Variants in FBXL7 observed in about 807,000 individuals in gnomAD.
The protein encoded by FBXL7 is F-box/LRR-repeat protein 7.
In FBXL7, 12 loss-of-function variants were observed where a neutral mutation model predicts 38.3. That is an observed-to-expected ratio of 0.31 (90% confidence interval 0.20 to 0.51). The LOEUF is 0.51. Ranked by LOEUF, FBXL7 falls within the 20% of genes least tolerant of loss-of-function variation. FBXL7 has a pLI of 0.98. For synonymous variants in FBXL7, 297 were observed against 300.9 expected (o/e 0.99, Z 0.13); for missense variants, 567 against 676.4 (o/e 0.84, Z 1.79).
chr5:15,619,422 C>T lies in FBXL7; in HGVS notation c.127+3350C>T, dbSNP rs1580411809. ...GGGAAGCCGTCTCCTGCCCTGCTCA[C>T]GCCTACCTAACTACCTGTAACAAGA... On this transcript the variant is annotated intron_variant, in intron 2 of 3. Coordinates refer to ENST00000504595, the MANE Select transcript of FBXL7 (RefSeq NM_012304.5). Among the ~76,000 whole-genome samples the T allele has an allele frequency of 3.3e-5, 5 of 152,294 alleles. No homozygotes were observed. In the South Asian group the frequency reaches 8.3e-4, roughly 25 times the overall value.
At chr5:15,782,120 G>T (rs1483362173) in intron 2 of FBXL7, among the ~76,000 whole-genome samples, 1 of 152,016 alleles carries the variant, frequency 6.6e-6, no homozygotes. Flanking sequence ...CTGAGAATGA[G>T]GGTTTCCAGC....
At chr5:15,837,563 T>C (rs543857992) in intron 2 of FBXL7, among the ~76,000 whole-genome samples, 45 of 152,236 alleles carry the variant, frequency 3.0e-4, no homozygotes, top group Non-Finnish European at 2.5e-4. Context: ...AAAAGCGTGC[T>C]TAGATTGAAT....
intron 2 of FBXL7, among the ~76,000 whole-genome samples, chr5:15,672,818 G>A (rs1401615965): frequency 6.6e-6 from 1 of 151,980 alleles, no homozygotes; most frequent in African/African-American, 2.4e-5. Flanking sequence ...GCCTCCCAAA[G>A]TGCTGGGATT....
At chr5:15,684,372 T>C (rs1301165267) in intron 2 of FBXL7, among the ~76,000 whole-genome samples, 1 of 152,114 alleles carries the variant, frequency 6.6e-6, no homozygotes, top group Non-Finnish European at 1.5e-5. Context: ...GGGGGACACA[T>C]AGATTTGGAT....
chr5:15,545,402 C>T (rs144256345), intron 1 of FBXL7, among the ~76,000 whole-genome samples: 4 of 152,288 alleles, frequency 2.6e-5, no homozygotes, highest in African/African-American at 9.6e-5. Context: ...AGACTGAATG[C>T]ACCATGAGCT....
rs1561098448 is a variant in FBXL7 at position 15,718,805 on chromosome 5, C to CGGAGAATG, written c.127+102734_127+102741dup. ...TTCCAGGGGACAGAATTTGTGTTCA[C>CGGAGAATG]GGAGAATGAATTTCAACTAAGAGGT... is the stretch of plus-strand genomic sequence containing the variant. On this transcript the variant is annotated intron_variant, in intron 2 of 3. Coordinates refer to ENST00000504595, the MANE Select transcript of FBXL7 (RefSeq NM_012304.5). Among the ~76,000 whole-genome samples, 6 of 152,156 alleles carry CGGAGAATG rather than the reference C, an allele frequency of 3.9e-5. No individual in the cohort carries two copies. The South Asian group carries it at 1.0e-3, about 26-fold the overall frequency.
intron 2 of FBXL7, among the ~76,000 whole-genome samples, chr5:15,895,206 T>C (rs903200787): frequency 1.3e-5 from 2 of 152,162 alleles, no homozygotes; most frequent in Admixed American, 1.3e-4. Flanking sequence ...AAGATATATA[T>C]CAAAAAGTTA....
chr5:15,550,673 T>C (rs1229391136), intron 1 of FBXL7, among the ~76,000 whole-genome samples: 2 of 152,238 alleles, frequency 1.3e-5, no homozygotes, highest in Non-Finnish European at 2.9e-5. Flanking sequence ...GCTTTAAACC[T>C]TTGTATTTCT....
At chr5:15,565,112 C>T (rs1271452448) in intron 1 of FBXL7, among the ~76,000 whole-genome samples, 1 of 151,936 alleles carries the variant, frequency 6.6e-6, no homozygotes, top group African/African-American at 2.4e-5. Flanking sequence ...TGATCATTCC[C>T]ACTAAAATGA....
chr5:15,847,435 T>C (rs147657585), intron 2 of FBXL7, among the ~76,000 whole-genome samples: 43 of 152,268 alleles, frequency 2.8e-4, no homozygotes, highest in African/African-American at 9.9e-4. Flanking sequence ...TACCTTTCAC[T>C]GGGTCCCTCC....
At chr5:15,660,546 C>T (rs781651489) in intron 2 of FBXL7, among the ~76,000 whole-genome samples, 18 of 151,588 alleles carry the variant, frequency 1.2e-4, no homozygotes, top group Non-Finnish European at 2.4e-4. Context: ...TTGGTAGAGA[C>T]GGGGTTTCAC....
intron 1 of FBXL7, among the ~76,000 whole-genome samples, chr5:15,577,594 TTGTGTGTGTGTGTGTG>T (rs34405217): frequency 9.1e-4 from 134 of 147,682 alleles, no homozygotes; most frequent in South Asian, 2.0e-3. Context: ...GTAATGCATT[TTGTGTGTGTGTGTGTG>T]TGTGTGTGTG....
At chr5:15,817,660 C>CTGA (rs1738054544) in intron 2 of FBXL7, among the ~76,000 whole-genome samples, 1 of 152,216 alleles carries the variant, frequency 6.6e-6, no homozygotes, top group Admixed American at 6.5e-5. Context: ...CTCATGAGAT[C>CTGA]TGATGGTTCC....
chr5:15,892,081 A>C lies in FBXL7; in HGVS notation c.128-35809A>C, dbSNP rs1156495609. Among the ~76,000 whole-genome samples, 7 of 152,338 alleles carry C rather than the reference A, an allele frequency of 4.6e-5. No homozygotes were observed. In the East Asian group the frequency reaches 1.4e-3, roughly 29 times the overall value. ...AGCCACAGCACTAGGGAGCCAGGAGAAGCAGTTCATGGAGGTCAGCCTCCT... is the reference window on the plus strand; with the variant it reads ...AGCCACAGCACTAGGGAGCCAGGAGCAGCAGTTCATGGAGGTCAGCCTCCT... On this transcript the variant is annotated intron_variant, in intron 2 of 3. Coordinates refer to ENST00000504595, the MANE Select transcript of FBXL7 (RefSeq NM_012304.5).
chr5:15,529,810 G>A (rs116075567), intron 1 of FBXL7, among the ~76,000 whole-genome samples: 1,736 of 152,212 alleles, frequency 0.011, 39 homozygotes, highest in African/African-American at 0.04. Context: ...CTAGTATGTT[G>A]AAGTATCCCT....
At chr5:15,812,841 C>T (rs1481377762) in intron 2 of FBXL7, among the ~76,000 whole-genome samples, 1 of 152,054 alleles carries the variant, frequency 6.6e-6, no homozygotes, top group African/African-American at 2.4e-5. Flanking sequence ...TGAAGAGGTC[C>T]TTCACATCCT....
At chr5:15,829,403 AGCT>A (rs1738395748) in intron 2 of FBXL7, among the ~76,000 whole-genome samples, 1 of 152,242 alleles carries the variant, frequency 6.6e-6, no homozygotes, top group African/African-American at 2.4e-5. Flanking sequence ...GAAAAGCTGA[AGCT>A]GCTATTGATG....
At chr5:15,898,906 A>AT (rs1003280114) in intron 2 of FBXL7, among the ~76,000 whole-genome samples, 81 of 149,950 alleles carry the variant, frequency 5.4e-4, no homozygotes, top group Non-Finnish European at 3.4e-4. Context: ...AATTACAAGG[A>AT]TTTTTTTTTT....
At chr5:15,913,969 A>G (rs886992546) in intron 2 of FBXL7, among the ~76,000 whole-genome samples, 1 of 152,190 alleles carries the variant, frequency 6.6e-6, no homozygotes, top group African/African-American at 2.4e-5. Flanking sequence ...ATACAAACAA[A>G]AGTTTCTGTT....
Sources: gnomAD v4.1 joint callset for allele counts (sites outside exome capture counted in the v4.1 genomes callset) on GRCh38, gnomAD v4.1.1 for gene constraint, MANE v1.5 for transcripts, NCBI Gene and HGNC (gene_info 2026-07-23, HGNC 2026-07-21) for gene names.